Variants in SAP130 observed in about 807,000 individuals in gnomAD.
SAP130 encodes the protein Sin3A associated protein 130, also known as histone deacetylase complex subunit SAP130.
In SAP130, 16 loss-of-function variants were observed where a neutral mutation model predicts 103.2. The ratio of observed to expected loss-of-function variants is 0.16; its 90% CI spans 0.10 to 0.24. The LOEUF (loss-of-function observed/expected upper bound fraction) is 0.24, where lower values mean the gene tolerates loss of function less well. Among genes scored for constraint, SAP130 ranks in the 10% least tolerant of loss-of-function variants. The pLI is 1.00. For missense variants in SAP130, 990 were observed against 1,359.7 expected (o/e 0.73, Z 4.28); for synonymous variants, 477 against 497.0 (o/e 0.96, Z 0.53).
In SAP130 at chr2:128,026,198, A is replaced by T. The variant is rs1490794821; in HGVS notation, c.95T>A (p.Ile32Lys). The T allele has an allele frequency of 1.2e-6, 2 of 1,613,134 alleles. No homozygotes were observed. Among genetic ancestry groups the T allele is most frequent in the Non-Finnish European group, 1.7e-6 (2 of 1,179,038 alleles). Residue 32 changes from isoleucine to lysine, a missense_variant, in exon 2 of 21, where the codon ATA (isoleucine) becomes AAA (lysine). Physicochemically the swap from Ile to Lys is moderately radical, Grantham distance 102. Coordinates refer to ENST00000643581, the MANE Select transcript of SAP130 (RefSeq NM_001330301.2). ...TATCTCACCTGTAGCAGCTGGGTTT[A>T]TCAATCCAGCAGAACCACTGTTTGC... ...QIANSGSAGL[I>K]NPAATVNDES...
At chr2:128,010,808 G>A (rs1018038125) in intron 6 of SAP130, among the ~76,000 whole-genome samples, 16 of 151,048 alleles carry the variant, frequency 1.1e-4, no homozygotes, top group Admixed American at 9.9e-4. Flanking sequence ...AGGTTGCAGT[G>A]AGCCAAGACC....
intron 15 of SAP130, among the ~76,000 whole-genome samples, chr2:127,963,688 G>A (rs1470215427): frequency 3.3e-5 from 5 of 152,216 alleles, no homozygotes; most frequent in Admixed American, 6.5e-5. Flanking sequence ...ACTGAATCAC[G>A]GGGGCGGGTC....
intron 2 of SAP130, among the ~76,000 whole-genome samples, chr2:128,022,190 A>G (rs1326390885): frequency 6.6e-6 from 1 of 152,222 alleles, no homozygotes; most frequent in Non-Finnish European, 1.5e-5. Flanking sequence ...GGAATTTCAC[A>G]TAACACAATC....
At chr2:127,992,905 G>C (rs1239695220) in intron 12 of SAP130, among the ~76,000 whole-genome samples, 2 of 152,116 alleles carry the variant, frequency 1.3e-5, no homozygotes, top group African/African-American at 2.4e-5. Flanking sequence ...TAAAAGTGCA[G>C]CTCTATTCAT....
At position 127,989,629 on chromosome 2, in the gene SAP130, T is replaced by C; in HGVS notation, c.1715A>G (p.Asn572Ser). The C allele has an allele frequency of 6.2e-7, 1 of 1,614,152 alleles. No individual in the cohort carries two copies. The highest frequency in any genetic ancestry group is 8.5e-7 in the Non-Finnish European group (1 of 1,180,016). Residue 572 changes from asparagine (N) to serine (S), a missense_variant, in exon 13 of 21, where the codon AAC becomes AGC. By Grantham distance (46) the Asn-to-Ser change is conservative (BLOSUM62 1). Around this residue, in one of 6 missense-constraint regions of SAP130, gnomAD observed 349 missense variants for 384.1 expected, o/e 0.91. Transcript: ENST00000643581. The surrounding 1 kb of genome is among the most constrained non-coding windows in gnomAD (Gnocchi z 4.6). ...TQGIHSATPINTQGLQPAPMG... is the reference protein window; with the variant it reads ...TQGIHSATPISTQGLQPAPMG... Reference sequence around the variant, plus strand: ...AGGTGCAGGCTGAAGCCCTTGTGTGTTGATTGGGGTTGCTGAGTGAATTCC... The same window carrying C: ...AGGTGCAGGCTGAAGCCCTTGTGTGCTGATTGGGGTTGCTGAGTGAATTCC...
intron 15 of SAP130, among the ~76,000 whole-genome samples, chr2:127,970,964 T>G (rs1039684932): frequency 2.0e-5 from 3 of 152,070 alleles, no homozygotes; most frequent in African/African-American, 7.2e-5. Context: ...TCTCTTTTTT[T>G]TTTTTAGACA....
Position 127,986,749 on chromosome 2 carries a change from C to T in SAP130, c.1958+36G>A. 2 of 1,599,924 alleles carry T rather than the reference C, an allele frequency of 1.3e-6. No individual in the cohort carries two copies. The highest frequency in any genetic ancestry group is 1.7e-6 in the Non-Finnish European group (2 of 1,169,300). ...TTATGTATACCAGTTATATCCAGAACCAGAGGTGTCATTCGGCACTACCAG... is the reference window on the plus strand; with the variant it reads ...TTATGTATACCAGTTATATCCAGAATCAGAGGTGTCATTCGGCACTACCAG... On this transcript the variant is annotated intron_variant, in intron 14 of 20. Transcript: ENST00000643581. The surrounding 1 kb of genome is among the most constrained non-coding windows in gnomAD (Gnocchi z 4.7).
At chr2:127,951,822 A>T (rs941992371) in intron 16 of SAP130, among the ~76,000 whole-genome samples, 3 of 152,034 alleles carry the variant, frequency 2.0e-5, no homozygotes, top group African/African-American at 7.2e-5. Flanking sequence ...ACTACTTCAC[A>T]CCTTCTTCTC....
intron 12 of SAP130, among the ~76,000 whole-genome samples, chr2:127,991,644 A>G (rs1486053729): frequency 6.6e-6 from 1 of 152,094 alleles, no homozygotes; most frequent in Non-Finnish European, 1.5e-5. Flanking sequence ...AAAATTCTTA[A>G]CAAGATATTT....
intron 7 of SAP130, among the ~76,000 whole-genome samples, chr2:128,004,880 G>A (rs1683847232): frequency 1.3e-5 from 2 of 152,136 alleles, no homozygotes; most frequent in African/African-American, 4.8e-5. Flanking sequence ...CCAGTATATA[G>A]TCCAGGCTAC....
chr2:127,941,692 C>A lies in SAP130; in HGVS notation c.*314G>T. 2.8e-6 allele frequency: 1 copy of A among 353,848 alleles called. No homozygotes were observed. Among genetic ancestry groups the A allele is most frequent in the African/African-American group, 2.2e-5 (1 of 45,546 alleles). 21.9% of individuals were successfully genotyped at this position (353,848 alleles called of 1,614,324 possible). ...CACTAGATAAATACAGTCTATAAAC[C>A]GGAAGGCTGAAAAACACCAGCCAGC... On this transcript the variant is annotated 3_prime_UTR_variant, in exon 21 of 21. Coordinates refer to ENST00000643581, the MANE Select transcript of SAP130 (RefSeq NM_001330301.2).
At position 128,026,225 on chromosome 2, in the gene SAP130, A is replaced by G; in HGVS notation, c.68T>C (p.Ile23Thr). 1 of 1,614,196 alleles carries G rather than the reference A, an allele frequency of 6.2e-7. No individual in the cohort carries two copies. Among genetic ancestry groups the G allele is most frequent in the Non-Finnish European group, 8.5e-7 (1 of 1,180,012 alleles). Residue 23 changes from isoleucine to threonine, a missense_variant, in exon 2 of 21, where the codon ATT becomes ACT. Ile to Thr is a moderately conservative substitution (Grantham distance 89). Coordinates refer to ENST00000643581, the MANE Select transcript of SAP130 (RefSeq NM_001330301.2). ...CAATCCAGCAGAACCACTGTTTGCA[A>G]TCTGAGAAGGGGCCTGGCTCAGCCC... ...STGLSQAPSQ[I>T]ANSGSAGLIN... is the part of the protein sequence containing the mutation.
In SAP130 at chr2:127,942,949, T is replaced by C. The variant is rs1355246840; in HGVS notation, c.2902-412A>G. Among the ~76,000 whole-genome samples, 4 of 151,868 alleles carry C rather than the reference T, an allele frequency of 2.6e-5. No homozygotes were observed. The highest frequency in any genetic ancestry group is 7.3e-5 in the African/African-American group (3 of 41,334). ...GTTGCAGTGAGCTGAGATCCCGCCATTGCACTCCAGCCTGGGCAACAAGAG... is the reference window on the plus strand; with the variant it reads ...GTTGCAGTGAGCTGAGATCCCGCCACTGCACTCCAGCCTGGGCAACAAGAG... On this transcript the variant is annotated intron_variant, in intron 19 of 20. Coordinates refer to ENST00000643581, the MANE Select transcript of SAP130 (RefSeq NM_001330301.2). This position sits in a 1 kb window ranked among gnomAD's most constrained non-coding sequence, Gnocchi z 4.8.
intron 15 of SAP130, among the ~76,000 whole-genome samples, chr2:127,967,444 G>A (rs995196908): frequency 6.6e-6 from 1 of 152,252 alleles, no homozygotes; most frequent in Non-Finnish European, 1.5e-5. Context: ...CTGTTGCCCA[G>A]GCTGGAGTGC....
Position 127,989,995 on chromosome 2 carries a change from A to G in SAP130, c.1478-129T>C, listed in dbSNP as rs1682678053. On this transcript the variant is annotated intron_variant, in intron 12 of 20. Coordinates refer to ENST00000643581, the MANE Select transcript of SAP130 (RefSeq NM_001330301.2). This position sits in a 1 kb window ranked among gnomAD's most constrained non-coding sequence, Gnocchi z 4.6. ...CTAAATCCATGGTTTGAAAAAAAATAAATAAATAAACATTGTTACTTGAAA... is the reference window on the plus strand; with the variant it reads ...CTAAATCCATGGTTTGAAAAAAAATGAATAAATAAACATTGTTACTTGAAA... The G allele has an allele frequency of 1.2e-6, 1 of 822,740 alleles. No individual in the cohort carries two copies. Among genetic ancestry groups the G allele is most frequent in the Non-Finnish European group, 1.8e-6 (1 of 543,020 alleles). The allele number at this position is 822,740 out of a possible 1,614,324, so 51.0% of individuals were successfully genotyped here. A position where few individuals can be genotyped will look rare whatever the true frequency, so the allele number is the denominator to read the frequency against.
intron 12 of SAP130, among the ~76,000 whole-genome samples, chr2:127,992,947 A>G (rs1365975666): frequency 2.0e-5 from 3 of 152,226 alleles, no homozygotes; most frequent in Non-Finnish European, 1.5e-5. Context: ...GAGTAACAAA[A>G]ATTGTTAACA....
chr2:127,956,236 G>A (rs369771824), intron 15 of SAP130, among the ~76,000 whole-genome samples: 1 of 152,166 alleles, frequency 6.6e-6, no homozygotes, highest in Non-Finnish European at 1.5e-5. Context: ...GAGAGGCCAT[G>A]GAAGCTTCAT....
In SAP130 at chr2:127,996,627, A is replaced by G. The variant is rs1002960127; in HGVS notation, c.1214-136T>C. The G allele has an allele frequency of 2.6e-6, 2 of 761,332 alleles. No individual in the cohort carries two copies. Among genetic ancestry groups the G allele is most frequent in the Non-Finnish European group, 1.9e-6 (1 of 518,064 alleles). The allele number at this position is 761,332 out of a possible 1,614,324, so 47.2% of individuals were successfully genotyped here. On this transcript the variant is annotated intron_variant, in intron 10 of 20. Coordinates refer to ENST00000643581, the MANE Select transcript of SAP130 (RefSeq NM_001330301.2). The surrounding 1 kb of genome is among the most constrained non-coding windows in gnomAD (Gnocchi z 4.3). ...GATTTTTAATCAAAATAAAAAATGA[A>G]AAATAAGTACAAAGTTCAACAGAAT...
intron 18 of SAP130, among the ~76,000 whole-genome samples, chr2:127,947,764 C>CTGTGTG (rs1553500423): frequency 0.062 from 8,827 of 143,308 alleles, 312 homozygotes; most frequent in South Asian, 0.14. Context: ...TTGTGTGTGT[C>CTGTGTG]TGTGTGTGTG....
Sources: gnomAD v4.1 joint callset for allele counts (sites outside exome capture counted in the v4.1 genomes callset) on GRCh38, gnomAD v4.1.1 for gene constraint, gnomAD v4.1.1 regional missense constraint, Gnocchi (gnomAD v3.1) non-coding constraint, MANE v1.5 for transcripts, NCBI Gene and HGNC (gene_info 2026-07-23, HGNC 2026-07-21) for gene names.